The following ASXL3 variants were observed in gnomAD, a reference collection of about 807,000 sequenced individuals.
ASXL3 encodes the protein putative Polycomb group protein ASXL3.
Under a neutral mutation model 170.6 loss-of-function variants are expected in ASXL3, and 34 were observed. The ratio of observed to expected loss-of-function variants is 0.20; its 90% CI spans 0.15 to 0.27. The LOEUF (loss-of-function observed/expected upper bound fraction) is 0.27. ASXL3 is among the 10% of genes least tolerant of loss of function. The pLI, the probability that ASXL3 is intolerant of heterozygous loss-of-function variation, is 1.00. For missense variants in ASXL3, 2,592 were observed against 2,695.3 expected (o/e 0.96, Z 0.85); for synonymous variants, 1,002 against 989.1 (o/e 1.01, Z -0.24).
intron 2 of ASXL3, among the ~76,000 whole-genome samples, chr18:33,628,480 T>G (rs1276415041): frequency 6.6e-6 from 1 of 152,156 alleles, no homozygotes; most frequent in African/African-American, 2.4e-5. Context: ...AAAAGCCAAG[T>G]GATAAAAGGA....
At chr18:33,724,848 A>G (rs936804363) in intron 8 of ASXL3, among the ~76,000 whole-genome samples, 1 of 152,082 alleles carries the variant, frequency 6.6e-6, no homozygotes, top group African/African-American at 2.4e-5. Context: ...TTGAAAAGTT[A>G]TTTGCAAAAT....
chr18:33,729,734 C>T (rs559711508), intron 8 of ASXL3, among the ~76,000 whole-genome samples: 1 of 152,088 alleles, frequency 6.6e-6, no homozygotes, highest in African/African-American at 2.4e-5. Flanking sequence ...CATCTCCCTC[C>T]TTCATTACTC....
intron 8 of ASXL3, 49 bp downstream of exon 8, chr18:33,683,617 A>T (rs1409633753): frequency 2.6e-6 from 4 of 1,525,610 alleles, no homozygotes; most frequent in African/African-American, 1.4e-5. Context: ...TTATATTATG[A>T]TGAAGTGGAA....
intron 2 of ASXL3, among the ~76,000 whole-genome samples, chr18:33,640,671 C>T (rs931762361): frequency 1.3e-5 from 2 of 152,042 alleles, no homozygotes; most frequent in Non-Finnish European, 2.9e-5. Flanking sequence ...GCACCTGAGA[C>T]CCACCTAACT....
At chr18:33,682,850 C>T (rs914469218) in intron 7 of ASXL3, among the ~76,000 whole-genome samples, 1 of 152,162 alleles carries the variant, frequency 6.6e-6, no homozygotes, top group Non-Finnish European at 1.5e-5. Context: ...CTGTGCCGAA[C>T]CTAAGGTTTT....
Position 33,615,839 on chromosome 18 carries a change from A to G in ASXL3, c.137+8163A>G, listed in dbSNP as rs939090720. Among the ~76,000 whole-genome samples, 3 of 152,194 alleles carry G rather than the reference A, an allele frequency of 2.0e-5. No individual in the cohort carries two copies. The East Asian group carries it at 5.8e-4, about 29-fold the overall frequency. On this transcript the variant is annotated intron_variant, in intron 2 of 11. Transcript: ENST00000269197. The stretch of plus-strand genomic sequence containing the variant: ...GGCTTATATATGAATGATAAAGCCT[A>G]CATTACACCTTACATTTAGATAAAA...
At chr18:33,608,750 C>G (rs113658179) in intron 2 of ASXL3, among the ~76,000 whole-genome samples, 24 of 152,038 alleles carry the variant, frequency 1.6e-4, no homozygotes, top group South Asian at 2.1e-4. Context: ...TGAATGTTTT[C>G]ATTGATGTGG....
chr18:33,594,041 C>A (rs922315803), intron 1 of ASXL3, among the ~76,000 whole-genome samples: 6 of 152,136 alleles, frequency 3.9e-5, no homozygotes, highest in Admixed American at 1.3e-4. Flanking sequence ...ATCTTTTAAA[C>A]CTGAATGCAG....
At chr18:33,713,015 C>T (rs2067093943) in intron 8 of ASXL3, among the ~76,000 whole-genome samples, 1 of 152,012 alleles carries the variant, frequency 6.6e-6, no homozygotes, top group Admixed American at 6.6e-5. Flanking sequence ...ACTGGCTATA[C>T]ACTAGGAGTG....
At chr18:33,705,722 A>T (rs1382959568) in intron 8 of ASXL3, among the ~76,000 whole-genome samples, 3 of 151,900 alleles carry the variant, frequency 2.0e-5, no homozygotes, top group Admixed American at 2.0e-4. Flanking sequence ...AAAAATAATC[A>T]TTCATTTATT....
chr18:33,746,098 C>A lies in ASXL3; in HGVS notation c.6250C>A (p.Leu2084Ile), dbSNP rs1301266459. Residue 2084 changes from leucine (L) to isoleucine (I), a missense_variant, in exon 12 of 12, where the codon CTT becomes ATT. Physicochemically the swap from Leu to Ile is conservative, Grantham distance 5. Transcript: ENST00000269197. ...GICSNIKSEP[L>I]SFEEGLSSSC... ...ATGTAGCAATATAAAATCGGAACCT[C>A]TTTCTTTTGAGGAAGGTTTAAGCAG... The A allele has an allele frequency of 1.5e-5, 24 of 1,613,650 alleles. No individual in the cohort carries two copies. The highest frequency in any genetic ancestry group is 2.0e-5 in the Non-Finnish European group (24 of 1,179,862).
In ASXL3 at chr18:33,742,904, T is replaced by C. The variant is rs2067688830; in HGVS notation, c.3056T>C (p.Ile1019Thr). 2.5e-6 allele frequency: 4 copies of C among 1,588,446 alleles called. No homozygotes were observed. Among genetic ancestry groups the C allele is most frequent in the African/African-American group, 1.4e-5 (1 of 73,138 alleles). Residue 1019 changes from isoleucine to threonine, a missense_variant, in exon 12 of 12, where the codon ATT (isoleucine) becomes ACT (threonine). This residue lies in a region of ASXL3 where 2,246 missense variants were observed against 2,219.6 expected (regional missense o/e 1.01). Transcript: ENST00000269197. Reference protein sequence around the residue: ...VPPLKIQLSKIGPPFIIKSQP... With the variant: ...VPPLKIQLSKTGPPFIIKSQP... ...TCCTTTTAGATTCAGCTTTCCAAAATTGGGCCACCTTTTATAATCAAGAGC... is the reference window on the plus strand; with the variant it reads ...TCCTTTTAGATTCAGCTTTCCAAAACTGGGCCACCTTTTATAATCAAGAGC...
chr18:33,722,497 C>T (rs1360653730), intron 8 of ASXL3, among the ~76,000 whole-genome samples: 1 of 152,066 alleles, frequency 6.6e-6, no homozygotes. Context: ...TCCTTTAAGC[C>T]AGAGCCTACT....
At chr18:33,630,468 A>T (rs2065660970) in intron 2 of ASXL3, among the ~76,000 whole-genome samples, 1 of 151,968 alleles carries the variant, frequency 6.6e-6, no homozygotes, top group African/African-American at 2.4e-5. Flanking sequence ...CCACCAGTGG[A>T]CAAAGTACCT....
chr18:33,688,977 A>C (rs2066643869), intron 8 of ASXL3, among the ~76,000 whole-genome samples: 1 of 151,052 alleles, frequency 6.6e-6, no homozygotes, highest in Non-Finnish European at 1.5e-5. Context: ...ATATATGATG[A>C]CTTGAAAGGT....
intron 7 of ASXL3, among the ~76,000 whole-genome samples, chr18:33,682,489 T>C: frequency 6.6e-6 from 1 of 152,168 alleles, no homozygotes; most frequent in East Asian, 1.9e-4. Context: ...TCAGTGTGCC[T>C]TGAGTTGTGG....
chr18:33,721,029 A>G (rs537232226), intron 8 of ASXL3, among the ~76,000 whole-genome samples: 1 of 152,212 alleles, frequency 6.6e-6, no homozygotes, highest in South Asian at 2.1e-4. Context: ...TGCTTTTAAC[A>G]TTGCATACAT....
At chr18:33,700,538 T>G (rs1416707194) in intron 8 of ASXL3, among the ~76,000 whole-genome samples, 3 of 151,870 alleles carry the variant, frequency 2.0e-5, no homozygotes, top group African/African-American at 7.3e-5. Flanking sequence ...GTAAGAAGCT[T>G]GAGCAGAAGA....
chr18:33,599,436 C>A (rs2065161371), intron 1 of ASXL3, among the ~76,000 whole-genome samples: 1 of 152,028 alleles, frequency 6.6e-6, no homozygotes, highest in Non-Finnish European at 1.5e-5. Context: ...GAAAAGAGAT[C>A]CCAGTGGCAG....
Sources: gnomAD v4.1 joint callset for allele counts (sites outside exome capture counted in the v4.1 genomes callset) on GRCh38, gnomAD v4.1.1 for gene constraint, gnomAD v4.1.1 regional missense constraint, MANE v1.5 for transcripts, NCBI Gene and HGNC (gene_info 2026-07-23, HGNC 2026-07-21) for gene names.